ATG2B: variants seen among roughly 807,000 people sequenced by gnomAD.
ATG2B encodes autophagy related 2B, also known as autophagy-related protein 2 homolog B.
ATG2B carries 121 observed loss-of-function variants against 241.3 expected under a neutral mutation model. The ratio of observed to expected loss-of-function variants is 0.50; its 90% confidence interval spans 0.43 to 0.58. The LOEUF (loss-of-function observed/expected upper bound fraction) is 0.58. ATG2B is among the 20% of genes least tolerant of loss of function. The pLI is 0.00. For missense variants in ATG2B, 2,306 were observed against 2,491.6 expected (o/e 0.93, Z 1.59); for synonymous variants, 858 against 876.6 (o/e 0.98, Z 0.37).
intron 2 of ATG2B, among the ~76,000 whole-genome samples, chr14:96,346,710 T>C (rs1888178588): frequency 6.6e-6 from 1 of 152,198 alleles, no homozygotes; most frequent in Admixed American, 6.5e-5. Context: ...ACATACTGAT[T>C]TATCTGTATC....
At chr14:96,346,567 T>A (rs17094037) in intron 2 of ATG2B, among the ~76,000 whole-genome samples, 47,336 of 151,992 alleles carry the variant, frequency 0.31, 7,844 homozygotes, top group Middle Eastern at 0.41. Flanking sequence ...TACTTGGGAT[T>A]ATAATTCTGT....
Position 96,345,370 on chromosome 14 carries a change from G to T in ATG2B, c.341C>A (p.Pro114His). 4 of 1,605,624 alleles carry T rather than the reference G, an allele frequency of 2.5e-6. No homozygotes were observed. The South Asian group carries it at 4.5e-5, about 18-fold the overall frequency. Residue 114 changes from proline (P) to histidine (H), a missense_variant, in exon 3 of 42, where the codon CCT (proline) becomes CAT (histidine). Around this residue, in one of 2 missense-constraint regions of ATG2B, gnomAD observed 1,927 missense variants for 2,011.2 expected, o/e 0.96. Transcript: ENST00000359933. ...PRPRPATGSE[P>H]MYWSSFMTSS... ...GGTCATAAAACTTGACCAATACATA[G>T]GCTCAGAACCAGTTGCTGTGGAAAA...
rs1887570195 is a variant in ATG2B, at chr14:96,325,680, A to C, written c.2406T>G (p.Ile802Met). Residue 802 changes from isoleucine (I) to methionine (M), a missense_variant, in exon 15 of 42, where the codon ATT becomes ATG. Transcript: ENST00000359933. ...EFIGGSTPEQIKLELTFRELI... is the reference protein window; with the variant it reads ...EFIGGSTPEQMKLELTFRELI... ...GTTCTCTAAAGGTAAGTTCCAATTT[A>C]ATTTGTTCTGGGGTTGATCCTCCTA... is the stretch of plus-strand genomic sequence containing the variant. The C allele has an allele frequency of 6.2e-7, 1 of 1,613,106 alleles. No homozygotes were observed. The highest frequency in any genetic ancestry group is 1.7e-5 in the Admixed American group (1 of 59,834).
In ATG2B at chr14:96,328,687, T is replaced by G. The variant is rs376968487; in HGVS notation, c.1961A>C (p.Asn654Thr). The G allele has an allele frequency of 1.4e-5, 23 of 1,606,382 alleles. No homozygotes were observed. The African/African-American group carries it at 2.0e-4, about 14-fold the overall frequency. Reference sequence around the variant, plus strand: ...AAGATCTCTTACCTGGGGCCCTCTATTCTCAGAATGCTTATAATGAAGCTG... The same window carrying G: ...AAGATCTCTTACCTGGGGCCCTCTAGTCTCAGAATGCTTATAATGAAGCTG... ...CLQLHYKHSE[N>T]RGPQGNQARL... The change falls in exon 13 of 42, where the codon AAT becomes ACT. Residue 654 changes from asparagine (N) to threonine (T), a missense_variant. Physicochemically the swap from Asn to Thr is moderately conservative, Grantham distance 65. Around this residue, in one of 2 missense-constraint regions of ATG2B, gnomAD observed 1,927 missense variants for 2,011.2 expected, o/e 0.96. Coordinates refer to ENST00000359933, the MANE Select transcript of ATG2B (RefSeq NM_018036.7).
chr14:96,289,401 C>T lies in ATG2B; in HGVS notation c.6006+255G>A. The T allele has an allele frequency of 2.7e-6, 1 of 373,682 alleles. No individual in the cohort carries two copies. The highest frequency in any genetic ancestry group is 4.9e-6 in the Non-Finnish European group (1 of 203,822). 23.1% of individuals were successfully genotyped at this position (373,682 alleles called of 1,614,324 possible). Reference sequence around the variant, plus strand: ...TCACACGGCATTTGTTTCTATCACTCCCTGAGTGCTTCTGCAGGTGAAGAG... The same window carrying T: ...TCACACGGCATTTGTTTCTATCACTTCCTGAGTGCTTCTGCAGGTGAAGAG... On this transcript the variant is annotated intron_variant, in intron 41 of 41. Transcript: ENST00000359933. This position sits in a 1 kb window ranked among gnomAD's most constrained non-coding sequence, Gnocchi z 4.3.
Position 96,311,283 on chromosome 14 carries a change from T to A in ATG2B, c.3995A>T (p.Glu1332Val). The change falls in exon 28 of 42, where the codon GAG becomes GTG. Residue 1332 changes from glutamate (E) to valine (V), a missense_variant. Transcript: ENST00000359933. ...VKSDSDGEQTEPRFELHCSSD... is the reference protein window; with the variant it reads ...VKSDSDGEQTVPRFELHCSSD... The stretch of plus-strand genomic sequence containing the variant: ...GGAACAGTGTAACTCAAAGCGGGGC[T>A]CAGTCTGGACAAGACACAGAAAAAG... 1.2e-6 allele frequency: 2 copies of A among 1,611,630 alleles called. No individual in the cohort carries two copies. Among genetic ancestry groups the A allele is most frequent in the African/African-American group, 1.3e-5 (1 of 74,966 alleles).
chr14:96,331,321 AT>A, intron 11 of ATG2B, 54 bp downstream of exon 11: 1 of 1,509,592 alleles, frequency 6.6e-7, no homozygotes, highest in African/African-American at 1.4e-5. Flanking sequence ...TTTTTCAAGG[AT>A]CATTAGCATA....
Position 96,302,935 on chromosome 14 carries a change from G to A in ATG2B, c.5037+126C>T, listed in dbSNP as rs566920683. ...AAACTTTAAGCAATACATTCAAAAGGGACTTTTCACATTAAAATGAGAAAA... is the reference window on the plus strand; with the variant it reads ...AAACTTTAAGCAATACATTCAAAAGAGACTTTTCACATTAAAATGAGAAAA... On this transcript the variant is annotated intron_variant, in intron 33 of 41. Coordinates refer to ENST00000359933, the MANE Select transcript of ATG2B (RefSeq NM_018036.7). 106 of 720,922 alleles carry A rather than the reference G, an allele frequency of 1.5e-4. No individual in the cohort carries two copies. The African/African-American group carries it at 1.8e-3, about 13-fold the overall frequency. 44.7% of individuals were successfully genotyped at this position (720,922 alleles called of 1,614,324 possible).
chr14:96,306,981 C>T, intron 29 of ATG2B, 65 bp from the exon 30 acceptor site: 1 of 1,347,610 alleles, frequency 7.4e-7, no homozygotes, highest in Non-Finnish European at 1.0e-6. Context: ...GCATTTTAAC[C>T]ATGTGTCAGA....
At chr14:96,332,228 A>AT in intron 10 of ATG2B, 77 bp downstream of exon 10, 5 of 1,170,736 alleles carry the variant, frequency 4.3e-6, no homozygotes, top group East Asian at 2.4e-5. Context: ...AAAAAAAAAA[A>AT]GAAAGAAAAG....
Position 96,285,163 on chromosome 14 carries a change from G to C in ATG2B, c.*592C>G, listed in dbSNP as rs974544294. ...CATACACATAAACACAGGATAAAGT[G>C]CAACACAACAGAACATGTCTGCAAC... On this transcript the variant is annotated 3_prime_UTR_variant, in exon 42 of 42. Coordinates refer to ENST00000359933, the MANE Select transcript of ATG2B (RefSeq NM_018036.7). This position sits in a 1 kb window ranked among gnomAD's most constrained non-coding sequence, Gnocchi z 4.2. 1 of 152,690 alleles carries C rather than the reference G, an allele frequency of 6.5e-6. No individual in the cohort carries two copies. The highest frequency in any genetic ancestry group is 2.4e-5 in the African/African-American group (1 of 41,454). 9.5% of individuals were successfully genotyped at this position (152,690 alleles called of 1,614,324 possible). A position where few individuals can be genotyped will look rare whatever the true frequency, so the allele number is the denominator to read the frequency against.
chr14:96,324,011 AC>A lies in ATG2B; in HGVS notation c.2438-14del. 1 of 1,372,204 alleles carries A rather than the reference AC, an allele frequency of 7.3e-7. No homozygotes were observed. The highest frequency in any genetic ancestry group is 1.2e-5 in the South Asian group (1 of 80,662). The allele number at this position is 1,372,204 out of a possible 1,614,324, so 85.0% of individuals were successfully genotyped here. On this transcript the variant is annotated splice_polypyrimidine_tract_variant and intron_variant, in intron 15 of 41. Coordinates refer to ENST00000359933, the MANE Select transcript of ATG2B (RefSeq NM_018036.7). ...TCCTGGAACGATCCTAAAAAAAAAG[AC>A]TGATTTACTGAAATGTGCTTCTTCT...
intron 23 of ATG2B, among the ~76,000 whole-genome samples, chr14:96,314,560 TAC>T (rs1887252087): frequency 6.6e-6 from 1 of 151,860 alleles, no homozygotes; most frequent in Non-Finnish European, 1.5e-5. Flanking sequence ...AGTCCTGGGA[TAC>T]AGAGTCCCTT....
chr14:96,329,601 T>C lies in ATG2B; in HGVS notation c.1764A>G (p.Glu588=), dbSNP rs371996612. The change falls in exon 12 of 42, where the codon GAA becomes GAG. Residue 588 remains glutamate (E), a synonymous_variant. Coordinates refer to ENST00000359933, the MANE Select transcript of ATG2B (RefSeq NM_018036.7). ...ATCGGGAAGCTGATCTTTGTCTTTG[T>C]TCATAGGATACTTTAATGCCAGTAC... ...FIGTGIKVSY[E]QRQRSASRYF... The C allele has an allele frequency of 7.5e-6, 12 of 1,608,506 alleles. No individual in the cohort carries two copies. Among genetic ancestry groups the C allele is most frequent in the Non-Finnish European group, 9.4e-6 (11 of 1,175,340 alleles).
chr14:96,314,829 T>C (rs1350577600), intron 23 of ATG2B, among the ~76,000 whole-genome samples: 5 of 152,256 alleles, frequency 3.3e-5, no homozygotes, highest in Admixed American at 2.0e-4. Context: ...GCCTCTCCAG[T>C]AGCTGGGATT....
At position 96,284,841 on chromosome 14, in the gene ATG2B, G is replaced by A. The variant is rs1886293589; in HGVS notation, c.*914C>T. 1.3e-5 allele frequency: 2 copies of A among 152,130 alleles called. No homozygotes were observed. The highest frequency in any genetic ancestry group is 4.8e-5 in the African/African-American group (2 of 41,424). The allele number at this position is 152,130 out of a possible 1,614,324, so 9.4% of individuals were successfully genotyped here. ...AATGGTATGCTGAAATAGTTAACTA[G>A]GGCATATTTGAAGAATTTTGTTTAC... is the stretch of plus-strand genomic sequence containing the variant. On this transcript the variant is annotated 3_prime_UTR_variant, in exon 42 of 42. Coordinates refer to ENST00000359933, the MANE Select transcript of ATG2B (RefSeq NM_018036.7).
intron 16 of ATG2B, 49 bp downstream of exon 16, chr14:96,323,842 ATATTT>A (rs1445428366): frequency 5.1e-6 from 6 of 1,172,084 alleles, no homozygotes; most frequent in Non-Finnish European, 7.5e-6. Flanking sequence ...GTTTAAAAGA[ATATTT>A]TATTTTTAAA....
At chr14:96,308,258 A>ATG (rs1566719808) in intron 29 of ATG2B, among the ~76,000 whole-genome samples, 1 of 2,656 alleles carries the variant, frequency 3.8e-4, no homozygotes, top group African/African-American at 1.4e-3. Flanking sequence ...ATATACACAC[A>ATG]TATATATATA....
At chr14:96,350,653 A>G (rs1888290272) in intron 1 of ATG2B, among the ~76,000 whole-genome samples, 1 of 152,336 alleles carries the variant, frequency 6.6e-6, no homozygotes, top group South Asian at 2.1e-4. Flanking sequence ...CCTGCATGCT[A>G]TATTGCATAG....
Sources: allele counts gnomAD v4.1 joint callset (sites outside exome capture counted in the v4.1 genomes callset), GRCh38; gene constraint gnomAD v4.1.1; regional missense constraint gnomAD v4.1.1; non-coding constraint Gnocchi (gnomAD v3.1); transcripts MANE v1.5; gene names NCBI Gene and HGNC (gene_info 2026-07-23, HGNC 2026-07-21).